RGS6: variants seen among roughly 807,000 people sequenced by gnomAD.
RGS6 encodes regulator of G-protein signaling 6.
RGS6 carries 30 observed loss-of-function variants against 78.5 expected under a neutral mutation model. The observed-to-expected ratio is 0.38, with a 90% CI of 0.29 to 0.52. The LOEUF (loss-of-function observed/expected upper bound fraction) is 0.52, where lower values mean the gene tolerates loss of function less well. RGS6 is among the 20% of genes least tolerant of loss of function. The pLI, the probability that RGS6 is intolerant of heterozygous loss-of-function variation, is 0.85. For synonymous variants in RGS6, 206 were observed against 206.0 expected (o/e 1.00, Z 0.00); for missense variants, 495 against 609.7 (o/e 0.81, Z 1.98).
intron 2 of RGS6, among the ~76,000 whole-genome samples, chr14:72,125,506 C>A (rs990628457): frequency 6.6e-6 from 1 of 152,118 alleles, no homozygotes; most frequent in Admixed American, 6.6e-5. Context: ...AGACAACAAG[C>A]TTTGCAGTAG....
chr14:72,194,826 G>A (rs904969828), intron 2 of RGS6, among the ~76,000 whole-genome samples: 2 of 152,200 alleles, frequency 1.3e-5, no homozygotes, highest in Non-Finnish European at 2.9e-5. Context: ...GGCAACCAAG[G>A]TGGGTGTTCT....
At chr14:72,314,784 G>T (rs1373023552) in intron 2 of RGS6, among the ~76,000 whole-genome samples, 1 of 152,208 alleles carries the variant, frequency 6.6e-6, no homozygotes, top group Non-Finnish European at 1.5e-5. Flanking sequence ...CAGGAAATAT[G>T]TTTATACTAT....
intron 3 of RGS6, among the ~76,000 whole-genome samples, chr14:72,387,548 C>G (rs80320577): frequency 7.4e-6 from 1 of 134,952 alleles, no homozygotes; most frequent in Admixed American, 7.4e-5. Flanking sequence ...GACTCCATCT[C>G]AAACAAAAAA....
intron 2 of RGS6, among the ~76,000 whole-genome samples, chr14:72,318,699 G>T (rs890272383): frequency 2.0e-5 from 3 of 152,198 alleles, no homozygotes; most frequent in African/African-American, 4.8e-5. Context: ...GTACTTCAGA[G>T]CAGGCATACC....
At chr14:72,086,983 A>G (rs768908883) in intron 2 of RGS6, among the ~76,000 whole-genome samples, 6 of 152,138 alleles carry the variant, frequency 3.9e-5, no homozygotes, top group Non-Finnish European at 7.4e-5. Flanking sequence ...ACTTAAATCC[A>G]TGTATTTTCG....
At position 72,226,098 on chromosome 14, in the gene RGS6, T is replaced by G. The variant is rs924254817; in HGVS notation, c.85-125997T>G. Among the ~76,000 whole-genome samples, 99 of 152,188 alleles carry G rather than the reference T, an allele frequency of 6.5e-4. 3 individuals are homozygous for G. Among genetic ancestry groups the G allele is most frequent in the Non-Finnish European group, 1.5e-5 (1 of 68,026 alleles). ...ATGTAATTTTCACTTTTCACTTTGT[T>G]CTGGAAAACTAAGAATAAATAAAAA... On this transcript the variant is annotated intron_variant, in intron 2 of 17. Coordinates refer to ENST00000553525, the MANE Select transcript of RGS6 (RefSeq NM_001204424.2).
intron 14 of RGS6, among the ~76,000 whole-genome samples, chr14:72,514,871 A>G (rs1343796678): frequency 1.3e-5 from 2 of 152,182 alleles, no homozygotes; most frequent in South Asian, 2.1e-4. Context: ...CAAAGCTTCA[A>G]GGGGCTTCCC....
At chr14:72,112,528 C>T (rs192285482) in intron 2 of RGS6, among the ~76,000 whole-genome samples, 260 of 152,254 alleles carry the variant, frequency 1.7e-3, no homozygotes, top group Middle Eastern at 6.8e-3. Context: ...CAATGGTCCT[C>T]TTAGGGCAAA....
intron 2 of RGS6, among the ~76,000 whole-genome samples, chr14:72,082,402 T>C (rs534726306): frequency 1.8e-4 from 27 of 152,108 alleles, no homozygotes; most frequent in African/African-American, 5.8e-4. Context: ...TTGTAGCTAT[T>C]GAAAAAAGAT....
At chr14:72,062,641 G>A (rs1382759853) in intron 2 of RGS6, among the ~76,000 whole-genome samples, 1 of 152,182 alleles carries the variant, frequency 6.6e-6, no homozygotes, top group East Asian at 1.9e-4. Context: ...GCATCTGATT[G>A]ACTGATGATG....
At chr14:72,494,314 C>T (rs141417185) in intron 12 of RGS6, among the ~76,000 whole-genome samples, 116 of 151,586 alleles carry the variant, frequency 7.7e-4, no homozygotes, top group Admixed American at 1.2e-3. Context: ...TGGAGGATCA[C>T]GTAAGAAAAG....
At chr14:72,485,476 C>T (rs2096470571) in intron 12 of RGS6, among the ~76,000 whole-genome samples, 1 of 152,162 alleles carries the variant, frequency 6.6e-6, no homozygotes, top group Non-Finnish European at 1.5e-5. Context: ...CTGGCCTTCT[C>T]ATTGTCTTGT....
intron 13 of RGS6, among the ~76,000 whole-genome samples, chr14:72,508,022 G>T (rs2043668439): frequency 6.6e-6 from 1 of 152,238 alleles, no homozygotes; most frequent in South Asian, 2.1e-4. Context: ...GCTTGCGTTT[G>T]AGAGAATCCA....
At chr14:71,897,141 AGCATAGTGCTAG>A in the RGS6 span, among the ~76,000 whole-genome samples, 2 of 152,278 alleles carry the variant, frequency 1.3e-5, no homozygotes, top group Non-Finnish European at 2.9e-5. Context: ...TACACTGCCT[AGCATAGTGCTAG>A]GCACATAGTA....
chr14:72,079,727 T>G (rs1307641516), intron 2 of RGS6, among the ~76,000 whole-genome samples: 1 of 152,226 alleles, frequency 6.6e-6, no homozygotes, highest in African/African-American at 2.4e-5. Flanking sequence ...AACCACTGTT[T>G]GAACTCTGTT....
chr14:72,085,475 G>A (rs1262449161), intron 2 of RGS6, among the ~76,000 whole-genome samples: 1 of 152,142 alleles, frequency 6.6e-6, no homozygotes, highest in African/African-American at 2.4e-5. Context: ...CCAGCCCAGA[G>A]ATTTGTTGGT....
chr14:72,291,352 T>C (rs1166827821), intron 2 of RGS6, among the ~76,000 whole-genome samples: 5 of 152,138 alleles, frequency 3.3e-5, no homozygotes, highest in Non-Finnish European at 4.4e-5. Flanking sequence ...TAGTTCTTCA[T>C]GGCTGGGTTC....
At position 72,522,243 on chromosome 14, in the gene RGS6, T is replaced by C. The variant is rs548239163; in HGVS notation, c.1278+3706T>C. 2.6e-5 allele frequency among the ~76,000 whole-genome samples: 4 copies of C among 152,276 alleles called. No homozygotes were observed. The East Asian group carries it at 7.7e-4, about 29-fold the overall frequency. On this transcript the variant is annotated intron_variant, in intron 15 of 17. Transcript: ENST00000553525. ...GTGTCCTTATAACTCTGGTCTCTCT[T>C]CCTCTTCTTATAAGAACACTAATCC...
chr14:72,439,506 G>A (rs1052698822), intron 3 of RGS6, among the ~76,000 whole-genome samples: 2 of 150,756 alleles, frequency 1.3e-5, no homozygotes, highest in Admixed American at 6.6e-5. Context: ...CAGGACATCA[G>A]AAGAAAACCC....
Sources: gnomAD v4.1 joint callset for allele counts (sites outside exome capture counted in the v4.1 genomes callset) on GRCh38, gnomAD v4.1.1 for gene constraint, MANE v1.5 for transcripts, NCBI Gene and HGNC (gene_info 2026-07-23, HGNC 2026-07-21) for gene names.